The following MTMR10 variants were observed in gnomAD, a reference collection of about 807,000 sequenced individuals.
MTMR10 encodes myotubularin-related protein 10.
MTMR10 carries 56 observed loss-of-function variants against 88.1 expected under a neutral mutation model. The observed-to-expected ratio is 0.64, with a 90% CI of 0.51 to 0.79. MTMR10 has a LOEUF of 0.79. MTMR10 is among the 30% of genes least tolerant of loss of function. MTMR10 has a pLI of 0.00. For synonymous variants in MTMR10, 380 were observed against 340.9 expected, an observed-to-expected ratio of 1.11 and a Z score of -1.26; for missense variants, 883 against 924.7, an observed-to-expected ratio of 0.95 and a Z score of 0.58.
At chr15:30,929,927 TA>T in the MTMR10 span, among the ~76,000 whole-genome samples, 1 of 116,954 alleles carries the variant, frequency 8.6e-6, no homozygotes, top group South Asian at 2.3e-4. Context: ...ATATCATATA[TA>T]ATATATAAAA....
intron 5 of MTMR10, 84 bp from the exon 6 acceptor site, chr15:30,968,094 A>G: frequency 1.0e-6 from 1 of 958,930 alleles, no homozygotes; most frequent in Non-Finnish European, 1.6e-6. Context: ...CACTGGGAGC[A>G]TCATCTTGGG....
At chr15:30,929,120 A>G in the MTMR10 span, 1 of 1,239,774 alleles carries the variant, frequency 8.1e-7, no homozygotes, top group African/African-American at 1.6e-5. Flanking sequence ...CCGGTTTCCA[A>G]GTTTTGTATG....
intron 6 of MTMR10, among the ~76,000 whole-genome samples, chr15:30,963,822 A>G (rs980604375): frequency 3.9e-5 from 6 of 152,160 alleles, no homozygotes; most frequent in African/African-American, 1.4e-4. Flanking sequence ...AGAACACAAA[A>G]CCTGCATATG....
intron 2 of MTMR10, among the ~76,000 whole-genome samples, chr15:30,988,727 G>T (rs376147996): frequency 2.4e-4 from 36 of 152,114 alleles, no homozygotes; most frequent in Admixed American, 2.4e-3. Flanking sequence ...AGTGGCTCAC[G>T]CCTGTAATCC....
At chr15:30,951,638 T>C (rs1036714078) in intron 12 of MTMR10, among the ~76,000 whole-genome samples, 1 of 152,156 alleles carries the variant, frequency 6.6e-6, no homozygotes, top group Non-Finnish European at 1.5e-5. Context: ...TAGCTGAGAC[T>C]ACAGGCGCAC....
intron 2 of MTMR10, among the ~76,000 whole-genome samples, chr15:30,979,261 T>C (rs1157850764): frequency 6.6e-6 from 1 of 152,174 alleles, no homozygotes; most frequent in Non-Finnish European, 1.5e-5. Flanking sequence ...ATGCATGTTA[T>C]ACTCAAATAA....
chr15:30,920,768 A>G, the MTMR10 span: 2 of 614,764 alleles, frequency 3.3e-6, no homozygotes, highest in South Asian at 4.5e-5. Context: ...ACACAGTAAT[A>G]TAATGGAGGC....
chr15:30,954,892 T>C lies in MTMR10; in HGVS notation c.937A>G (p.Ile313Val), dbSNP rs746834727. The change falls in exon 10 of 16, where the codon ATT becomes GTT. Residue 313 changes from isoleucine to valine, a missense_variant and splice_region_variant. Transcript: ENST00000435680. ...TGACTTTTAGTTATTGCATTACAAA[T>C]CCTAATAAAGACAAAAATACTTTAG... ...VLQQRKIDQR[I>V]CNAITKSHPQ... 16 of 1,544,178 alleles carry C rather than the reference T, an allele frequency of 1.0e-5. No homozygotes were observed. In the Admixed American group the frequency reaches 3.3e-4, roughly 32 times the overall value.
At chr15:30,975,124 G>A (rs1412321691) in intron 3 of MTMR10, 121 bp from the exon 4 acceptor site, 7 of 714,164 alleles carry the variant, frequency 9.8e-6, no homozygotes, top group African/African-American at 1.8e-5. Context: ...AAAAGCTTTT[G>A]TCTAGGTAGC....
intron 14 of MTMR10, 117 bp downstream of exon 14, chr15:30,947,013 T>C: frequency 7.8e-7 from 1 of 1,287,322 alleles, no homozygotes; most frequent in South Asian, 1.6e-5. Flanking sequence ...CAGCTGAAAA[T>C]GGCAGTAAGA....
chr15:30,962,748 A>G (rs768953546), intron 6 of MTMR10, among the ~76,000 whole-genome samples: 29 of 152,220 alleles, frequency 1.9e-4, no homozygotes, highest in Non-Finnish European at 3.5e-4. Context: ...GAGAGCATTA[A>G]TAAGTGTGAT....
chr15:30,940,782 T>TA lies in MTMR10; in HGVS notation c.*687dup. ...CCACCCCAATTTTAAAAAGTGAAAT[T>TA]ATATTTTCTTCTGTAATATTTGTAT... On this transcript the variant is annotated 3_prime_UTR_variant, in exon 16 of 16. Transcript: ENST00000435680. The TA allele has an allele frequency of 1.0e-6, 1 of 986,922 alleles. No homozygotes were observed. The highest frequency in any genetic ancestry group is 1.2e-6 in the Non-Finnish European group (1 of 830,672). The allele number at this position is 986,922 out of a possible 1,614,324, so 61.1% of individuals were successfully genotyped here.
intron 9 of MTMR10, among the ~76,000 whole-genome samples, chr15:30,957,268 C>T (rs1269965218): frequency 6.6e-5 from 10 of 152,080 alleles, no homozygotes; most frequent in African/African-American, 1.9e-4. Context: ...GGAGTAAAAA[C>T]GACAGGCGGT....
At chr15:30,944,414 A>G (rs1281940145) in intron 14 of MTMR10, among the ~76,000 whole-genome samples, 1 of 151,868 alleles carries the variant, frequency 6.6e-6, no homozygotes. Context: ...AAAAATACAA[A>G]AATTAGCCAG....
downstream of MTMR10, among the ~76,000 whole-genome samples, chr15:30,937,416 C>CA (rs2062887396): frequency 6.6e-6 from 1 of 150,698 alleles, no homozygotes; most frequent in Non-Finnish European, 1.5e-5. Context: ...TGCTTGAATA[C>CA]ACTCATTGAT....
the MTMR10 span, among the ~76,000 whole-genome samples, chr15:30,929,832 A>AAAATATATAATATATCAT: frequency 8.4e-4 from 55 of 65,482 alleles, 5 homozygotes; most frequent in African/African-American, 3.8e-3. Context: ...TATCATATAT[A>AAAATATATAATATATCAT]ATATAATATA....
In MTMR10 at chr15:30,974,941, T is replaced by G. The variant is rs374596133; in HGVS notation, c.321A>C (p.Gln107His). ...EHDVPLTCIE[Q>H]IVTVNDHKRK... ...CGGAATACTACGTACCTGTGACAAT[T>G]TGCTCAATACATGTTAAAGGGACAT... The change falls in exon 4 of 16, where the codon CAA (glutamine) becomes CAC (histidine). Residue 107 changes from glutamine (Q) to histidine (H), a missense_variant. By Grantham distance (24) the Gln-to-His change is conservative. Around this residue, in one of 3 missense-constraint regions of MTMR10, gnomAD observed 414 missense variants for 423.2 expected, o/e 0.98. Coordinates refer to ENST00000435680, the MANE Select transcript of MTMR10 (RefSeq NM_017762.3). 70 of 1,565,736 alleles carry G rather than the reference T, an allele frequency of 4.5e-5. No individual in the cohort carries two copies. The highest frequency in any genetic ancestry group is 5.6e-5 in the Non-Finnish European group (64 of 1,152,108).
At chr15:30,982,487 CA>C (rs561642306) in intron 2 of MTMR10, among the ~76,000 whole-genome samples, 3 of 149,130 alleles carry the variant, frequency 2.0e-5, no homozygotes, top group African/African-American at 4.9e-5. Flanking sequence ...TAACAACAGC[CA>C]AAAAAAAGAA....
chr15:30,958,156 G>C (rs1391370596), intron 9 of MTMR10, among the ~76,000 whole-genome samples: 1 of 152,244 alleles, frequency 6.6e-6, no homozygotes, highest in Non-Finnish European at 1.5e-5. Flanking sequence ...AGATATAAAT[G>C]TGTTGGTCAC....
Sources: allele counts gnomAD v4.1 joint callset (sites outside exome capture counted in the v4.1 genomes callset), GRCh38; gene constraint gnomAD v4.1.1; regional missense constraint gnomAD v4.1.1; transcripts MANE v1.5; gene names NCBI Gene and HGNC (gene_info 2026-07-23, HGNC 2026-07-21).